Variants in AHCY observed in about 807,000 individuals in gnomAD.
AHCY encodes adenosylhomocysteinase.
AHCY carries 24 observed loss-of-function variants against 45.4 expected under a neutral mutation model. The ratio of observed to expected loss-of-function variants is 0.53; its 90% CI spans 0.38 to 0.74. AHCY has a LOEUF of 0.74. AHCY is among the 30% of genes least tolerant of loss of function. The probability of loss-of-function intolerance (pLI) is 0.00; values close to 1 mark genes in which losing one functional copy is unlikely to be tolerated. For synonymous variants in AHCY, 245 were observed against 235.1 expected, an observed-to-expected ratio of 1.04 and a Z score of -0.39; for missense variants, 449 against 594.1, an observed-to-expected ratio of 0.76 and a Z score of 2.54.
chr20:34,286,543 G>A (rs1290954838), intron 8 of AHCY: 1 of 151,942 alleles, frequency 6.6e-6, no homozygotes, highest in Non-Finnish European at 1.5e-5. Flanking sequence ...AAAAAATGAG[G>A]ATACCCAGGC....
At chr20:34,243,622 T>TA in the AHCY span, among the ~76,000 whole-genome samples, 2 of 152,116 alleles carry the variant, frequency 1.3e-5, no homozygotes, top group Admixed American at 1.3e-4. Flanking sequence ...AATACATATG[T>TA]AACACATACC....
At chr20:34,235,829 GAAAGAAA>G in the AHCY span, among the ~76,000 whole-genome samples, 6 of 62,682 alleles carry the variant, frequency 9.6e-5, no homozygotes, top group African/African-American at 8.7e-4. Flanking sequence ...AAGAAAGAAA[GAAAGAAA>G]GAAAGAAGGA....
chr20:34,260,004 C>A, the AHCY span, among the ~76,000 whole-genome samples: 1 of 151,958 alleles, frequency 6.6e-6, no homozygotes, highest in Non-Finnish European at 1.5e-5. Flanking sequence ...CTACTGGGGG[C>A]CTTTCAACAA....
chr20:34,295,543 A>G lies in AHCY; in HGVS notation c.71T>C (p.Ile24Thr), dbSNP rs1239673461. The change falls in exon 2 of 10, where the codon ATT (isoleucine) becomes ACT (threonine). Residue 24 changes from isoleucine (I) to threonine (T), a missense_variant. Physicochemically the swap from Ile to Thr is moderately conservative, Grantham distance 89. Transcript: ENST00000217426. ...CAGGCCCGGCATCTCGTTCTCAGCA[A>G]TGTCCAGGGCCTTGCGTCCCCAGGC... is the stretch of plus-strand genomic sequence containing the variant. ...LAAWGRKALD[I>T]AENEMPGLMR... 6 of 1,614,030 alleles carry G rather than the reference A, an allele frequency of 3.7e-6. No individual in the cohort carries two copies.
chr20:34,302,768 G>A (rs1445258631), intron 1 of AHCY: 4 of 992,228 alleles, frequency 4.0e-6, no homozygotes, highest in Non-Finnish European at 4.8e-6. Context: ...GCCGGCCTGG[G>A]GCTCGCTTTC....
At chr20:34,289,921 A>T (rs2036316485) in intron 8 of AHCY, among the ~76,000 whole-genome samples, 1 of 152,090 alleles carries the variant, frequency 6.6e-6, no homozygotes, top group Non-Finnish European at 1.5e-5. Context: ...ATGCCCGGCC[A>T]AAGCTGTGTC....
chr20:34,293,534 G>C (rs529342544), intron 3 of AHCY: 205 of 205,760 alleles, frequency 1.0e-3, no homozygotes, highest in Non-Finnish European at 1.8e-3. Context: ...TTCAGCCCTG[G>C]TCAGTCTGTG....
At chr20:34,268,929 A>G in the AHCY span, 1 of 1,546,914 alleles carries the variant, frequency 6.5e-7, no homozygotes, top group Non-Finnish European at 8.7e-7. Context: ...GCTCCCAGGC[A>G]GAGGTGAGGA....
chr20:34,266,844 C>A, the AHCY span, among the ~76,000 whole-genome samples: 1 of 152,198 alleles, frequency 6.6e-6, no homozygotes, highest in African/African-American at 2.4e-5. Flanking sequence ...TAAAATCATA[C>A]CACCATTAAC....
the AHCY span, among the ~76,000 whole-genome samples, chr20:34,269,946 TAAAAAAAAAAAAAA>T: frequency 5.1e-3 from 302 of 59,252 alleles, 1 homozygote; most frequent in Middle Eastern, 0.042. Flanking sequence ...AACTCTGTCT[TAAAAAAAAAAAAAA>T]AAAAAAAAAA....
chr20:34,299,167 A>T (rs2036687621), intron 1 of AHCY, among the ~76,000 whole-genome samples: 1 of 151,802 alleles, frequency 6.6e-6, no homozygotes, highest in South Asian at 2.1e-4. Flanking sequence ...ACAGGGAGAG[A>T]CCCACCGACC....
At chr20:34,299,144 C>T (rs1234879609) in intron 1 of AHCY, among the ~76,000 whole-genome samples, 1 of 152,094 alleles carries the variant, frequency 6.6e-6, no homozygotes, top group Non-Finnish European at 1.5e-5. Flanking sequence ...TCTACACTCT[C>T]TCGTCGCCGC....
At chr20:34,239,367 C>A in the AHCY span, among the ~76,000 whole-genome samples, 1 of 152,132 alleles carries the variant, frequency 6.6e-6, no homozygotes, top group Admixed American at 6.5e-5. Context: ...CAGGCACCTG[C>A]CACCACACCT....
At chr20:34,262,761 C>T in the AHCY span, 2 of 1,559,606 alleles carry the variant, frequency 1.3e-6, no homozygotes, top group Non-Finnish European at 1.8e-6. Flanking sequence ...GCCCCCTCTG[C>T]CCCTCTCACT....
At chr20:34,294,267 A>G (rs892059699) in intron 2 of AHCY, 111 bp from the exon 3 acceptor site, 91 of 948,852 alleles carry the variant, frequency 9.6e-5, no homozygotes, top group Non-Finnish European at 1.4e-4. Flanking sequence ...CTTGGGATCT[A>G]GGCACAGCAA....
chr20:34,303,179 C>T, intron 1 of AHCY, 64 bp downstream of exon 1: 2 of 1,549,010 alleles, frequency 1.3e-6, no homozygotes, highest in East Asian at 2.4e-5. Flanking sequence ...CTGCAGCCCC[C>T]GCCACGAACA....
In AHCY at chr20:34,290,299, GC is replaced by G; in HGVS notation, c.972+32del. 2 of 1,601,034 alleles carry G rather than the reference GC, an allele frequency of 1.2e-6. No homozygotes were observed. Among genetic ancestry groups the G allele is most frequent in the East Asian group, 4.5e-5 (2 of 44,828 alleles). On this transcript the variant is annotated intron_variant, in intron 8 of 9. Transcript: ENST00000217426. This position sits in a 1 kb window ranked among gnomAD's most constrained non-coding sequence, Gnocchi z 4.5. ...CCAGCACTCCTCTGCACTCCCATCT[GC>G]CCAGCCCACTGGCAAGGCGGGAGCT...
intron 9 of AHCY, among the ~76,000 whole-genome samples, chr20:34,284,716 A>C (rs2036114296): frequency 6.6e-6 from 1 of 152,122 alleles, no homozygotes; most frequent in Non-Finnish European, 1.5e-5. Flanking sequence ...CTAGCTACTC[A>C]AGAGGCTGAG....
chr20:34,310,924 G>C (rs1297366652), intron 1 of AHCY, among the ~76,000 whole-genome samples: 1 of 152,128 alleles, frequency 6.6e-6, no homozygotes, highest in Non-Finnish European at 1.5e-5. Context: ...TCAGGAGTTC[G>C]AGATCGGCCT....
Sources: allele counts gnomAD v4.1 joint callset (sites outside exome capture counted in the v4.1 genomes callset), GRCh38; gene constraint gnomAD v4.1.1; non-coding constraint Gnocchi (gnomAD v3.1); transcripts MANE v1.5; gene names NCBI Gene and HGNC (gene_info 2026-07-23, HGNC 2026-07-21).